FAF1: variants seen among roughly 807,000 people sequenced by gnomAD.
FAF1 encodes Fas associated factor 1.
Under a neutral mutation model 92.5 loss-of-function variants are expected in FAF1, and 25 were observed. The observed-to-expected ratio is 0.27, with a 90% CI of 0.20 to 0.38. FAF1 has a LOEUF of 0.38. FAF1 is among the 10% of genes least tolerant of loss of function. The pLI, the probability that FAF1 is intolerant of heterozygous loss-of-function variation, is 1.00. For synonymous variants in FAF1, 234 were observed against 273.2 expected (o/e 0.86, Z 1.42); for missense variants, 636 against 793.3 (o/e 0.80, Z 2.38).
chr1:50,741,184 A>G (rs534003532), intron 5 of FAF1, among the ~76,000 whole-genome samples: 32 of 152,358 alleles, frequency 2.1e-4, no homozygotes, highest in African/African-American at 7.7e-4. Flanking sequence ...AGCCTGTTGG[A>G]GAAGGTAACC....
At chr1:50,537,472 T>A (rs1488829215) in intron 14 of FAF1, among the ~76,000 whole-genome samples, 1 of 152,174 alleles carries the variant, frequency 6.6e-6, no homozygotes, top group Non-Finnish European at 1.5e-5. Flanking sequence ...CTTTACACTG[T>A]TAAAAATTAC....
intron 8 of FAF1, among the ~76,000 whole-genome samples, chr1:50,629,531 T>C (rs1653666489): frequency 2.0e-5 from 3 of 152,134 alleles, no homozygotes; most frequent in Non-Finnish European, 1.5e-5. Flanking sequence ...TGGGGAACTA[T>C]GCTAGGAAAG....
chr1:50,457,067 C>G (rs149407485), intron 18 of FAF1, among the ~76,000 whole-genome samples: 2 of 151,516 alleles, frequency 1.3e-5, no homozygotes, highest in African/African-American at 4.8e-5. Context: ...TTTTTTTCCC[C>G]TAGTTTTCAC....
At chr1:50,508,205 C>T (rs1647084329) in intron 15 of FAF1, among the ~76,000 whole-genome samples, 1 of 152,098 alleles carries the variant, frequency 6.6e-6, no homozygotes. Flanking sequence ...CATAGAATTA[C>T]CATATGACCC....
At chr1:50,882,295 T>C (rs1287145303) in intron 1 of FAF1, among the ~76,000 whole-genome samples, 4 of 152,114 alleles carry the variant, frequency 2.6e-5, no homozygotes, top group African/African-American at 9.7e-5. Context: ...AGTTGCTGCA[T>C]TAAATATACA....
At chr1:50,855,654 T>G (rs1462596027) in intron 2 of FAF1, among the ~76,000 whole-genome samples, 3 of 151,906 alleles carry the variant, frequency 2.0e-5, no homozygotes, top group African/African-American at 4.8e-5. Flanking sequence ...AATATTTGTT[T>G]CATTTTTAAA....
chr1:50,850,383 G>T (rs1176170856), intron 2 of FAF1, among the ~76,000 whole-genome samples: 1 of 152,122 alleles, frequency 6.6e-6, no homozygotes, highest in Non-Finnish European at 1.5e-5. Context: ...GGCCTTTAAA[G>T]AACAATTCCA....
chr1:50,566,439 A>G (rs1484661638), intron 13 of FAF1, among the ~76,000 whole-genome samples: 1 of 152,148 alleles, frequency 6.6e-6, no homozygotes, highest in East Asian at 1.9e-4. Flanking sequence ...ACATGATGAA[A>G]TATATTTCAG....
chr1:50,952,269 G>T (rs1323779145), intron 1 of FAF1, among the ~76,000 whole-genome samples: 1 of 152,182 alleles, frequency 6.6e-6, no homozygotes, highest in Admixed American at 6.5e-5. Flanking sequence ...CGCCACGCCT[G>T]ACTGGTTTTC....
intron 12 of FAF1, among the ~76,000 whole-genome samples, chr1:50,580,505 A>C (rs921235744): frequency 1.3e-5 from 2 of 151,830 alleles, no homozygotes; most frequent in African/African-American, 4.8e-5. Context: ...GGATTTGGCT[A>C]TTTATTGTAC....
At chr1:50,823,076 G>A (rs542805884) in intron 2 of FAF1, among the ~76,000 whole-genome samples, 36 of 152,184 alleles carry the variant, frequency 2.4e-4, no homozygotes, top group African/African-American at 7.9e-4. Flanking sequence ...GCCCGGCCAA[G>A]GCTAGCAGTT....
chr1:50,603,922 A>G (rs1229248559), intron 8 of FAF1, among the ~76,000 whole-genome samples: 2 of 152,232 alleles, frequency 1.3e-5, no homozygotes, highest in Admixed American at 6.5e-5. Context: ...AAATAGCTCA[A>G]AAAACTGTGT....
In FAF1 at chr1:50,908,295, T is replaced by C. The variant is rs1489213062; in HGVS notation, c.46-50298A>G. ...CTGAGGAGCGCTTTACTTCCAACTA[T>C]GTGGTCAATTTTGGAATAAGTGTGA... On this transcript the variant is annotated intron_variant, in intron 1 of 18. Transcript: ENST00000396153. 2.6e-5 allele frequency among the ~76,000 whole-genome samples: 4 copies of C among 152,310 alleles called. No individual in the cohort carries two copies. The East Asian group carries it at 7.7e-4, about 29-fold the overall frequency.
chr1:50,594,039 G>A lies in FAF1; in HGVS notation c.840+2082C>T, dbSNP rs770925703. ...AAAAAATTCTAGTTTAAGGCCAGGCGTGGTGGCTCACACCTGTAATCCCAG... is the reference window on the plus strand; with the variant it reads ...AAAAAATTCTAGTTTAAGGCCAGGCATGGTGGCTCACACCTGTAATCCCAG... On this transcript the variant is annotated intron_variant, in intron 9 of 18. Transcript: ENST00000396153. Among the ~76,000 whole-genome samples the A allele has an allele frequency of 4.6e-5, 7 of 152,286 alleles. No homozygotes were observed. The East Asian group carries it at 5.8e-4, about 13-fold the overall frequency.
At chr1:50,866,377 A>C (rs1056447685) in intron 1 of FAF1, among the ~76,000 whole-genome samples, 9 of 152,104 alleles carry the variant, frequency 5.9e-5, no homozygotes, top group Non-Finnish European at 1.0e-4. Flanking sequence ...GCACATCCAA[A>C]CCAGTAAAGA....
At chr1:50,687,344 G>A (rs554419781) in intron 7 of FAF1, among the ~76,000 whole-genome samples, 36 of 125,492 alleles carry the variant, frequency 2.9e-4, no homozygotes, top group African/African-American at 8.1e-4. Context: ...ATTCCAGAAC[G>A]TTTTATCAAT....
chr1:50,463,992 G>C (rs1646463718), intron 18 of FAF1, among the ~76,000 whole-genome samples: 1 of 152,204 alleles, frequency 6.6e-6, no homozygotes, highest in Non-Finnish European at 1.5e-5. Context: ...TTAGAGGAAA[G>C]TAGGAGTGAA....
intron 6 of FAF1, among the ~76,000 whole-genome samples, chr1:50,724,518 G>C (rs1043642437): frequency 6.6e-6 from 1 of 152,108 alleles, no homozygotes; most frequent in Non-Finnish European, 1.5e-5. Context: ...GTCTGAAAAG[G>C]CTTCAGGGAG....
rs1646830631 is a variant in FAF1, at chr1:50,490,807, T to C, written c.1576-142A>G. The C allele has an allele frequency of 6.2e-6, 4 of 647,566 alleles. No individual in the cohort carries two copies. The Admixed American group carries it at 1.1e-4, about 18-fold the overall frequency. 40.1% of individuals were successfully genotyped at this position (647,566 alleles called of 1,614,324 possible). On this transcript the variant is annotated intron_variant, in intron 16 of 18. Transcript: ENST00000396153. The stretch of plus-strand genomic sequence containing the variant: ...GCTCATTGTCAACATGACTCAGAGG[T>C]ATATTGTGGTAACGGAAATGTTTCT...
Sources: gnomAD v4.1 joint callset for allele counts (sites outside exome capture counted in the v4.1 genomes callset) on GRCh38, gnomAD v4.1.1 for gene constraint, MANE v1.5 for transcripts, NCBI Gene and HGNC (gene_info 2026-07-23, HGNC 2026-07-21) for gene names.